The following XRCC1 variants were observed in gnomAD, a reference collection of about 807,000 sequenced individuals.
The protein encoded by XRCC1 is X-ray repair cross complementing 1, also known as DNA repair protein XRCC1.
XRCC1 carries 52 observed loss-of-function variants against 83.3 expected under a neutral mutation model. The ratio of observed to expected loss-of-function variants is 0.62; its 90% confidence interval spans 0.50 to 0.79. The LOEUF is 0.79. XRCC1 is among the 30% of genes least tolerant of loss of function. The pLI, the probability that XRCC1 is intolerant of heterozygous loss-of-function variation, is 0.00. For synonymous variants in XRCC1, 281 were observed against 312.6 expected, an observed-to-expected ratio of 0.90 and a Z score of 1.07; for missense variants, 793 against 823.5, an observed-to-expected ratio of 0.96 and a Z score of 0.45.
chr19:43,557,760 C>T (rs1972653088), intron 3 of XRCC1, among the ~76,000 whole-genome samples: 1 of 135,004 alleles, frequency 7.4e-6, no homozygotes, highest in Admixed American at 8.2e-5. Flanking sequence ...CCACTGCACT[C>T]CAGCCTGGGC....
At chr19:43,551,723 G>A (rs776291464) in intron 9 of XRCC1, 36 bp from the exon 10 acceptor site, 3 of 1,525,472 alleles carry the variant, frequency 2.0e-6, no homozygotes, top group East Asian at 2.2e-5. Context: ...CCAGTTAGGT[G>A]TGATCTGAGG....
chr19:43,546,151 G>GCATT (rs1360509978), intron 12 of XRCC1, 45 bp from the exon 13 acceptor site: 25 of 1,609,720 alleles, frequency 1.6e-5, no homozygotes, highest in Non-Finnish European at 2.1e-5. Context: ...TTGTCTCCTG[G>GCATT]GAAGACTGGC....
At chr19:43,544,311 A>C (rs1972486765) in intron 14 of XRCC1, 77 bp from the exon 15 acceptor site, 2 of 1,308,892 alleles carry the variant, frequency 1.5e-6, no homozygotes, top group Non-Finnish European at 2.1e-6. Context: ...GACGAGGCTG[A>C]CCCAGCAGCT....
intron 4 of XRCC1, 32 bp downstream of exon 4, chr19:43,554,614 G>A: frequency 1.3e-6 from 2 of 1,588,280 alleles, no homozygotes; most frequent in Non-Finnish European, 1.7e-6. Context: ...CCAGGACCAA[G>A]GACTCTGCAC....
rs759117361 is a variant in XRCC1 at position 43,574,893 on chromosome 19, TG to T, written c.144+16del. 2.5e-6 allele frequency: 4 copies of T among 1,605,840 alleles called. No individual in the cohort carries two copies. The East Asian group carries it at 8.9e-5, about 36-fold the overall frequency. On this transcript the variant is annotated intron_variant, in intron 2 of 16. Transcript: ENST00000262887. ...CTCCAGACTCCTAGTGAGGAGGAGG[TG>T]GGGTGGCAGGATCACCTGTAGGACC...
rs1396797434 is a variant in XRCC1 at position 43,551,595 on chromosome 19, A to C, written c.1175T>G (p.Met392Arg). 1 of 1,614,168 alleles carries C rather than the reference A, an allele frequency of 6.2e-7. No homozygotes were observed. The highest frequency in any genetic ancestry group is 1.1e-5 in the South Asian group (1 of 91,088). Residue 392 changes from methionine (M) to arginine (R), a missense_variant, in exon 10 of 17, where the codon ATG becomes AGG. By Grantham distance (91) the Met-to-Arg change is moderately conservative (BLOSUM62 -1). Transcript: ENST00000262887. The part of the protein sequence containing the change: ...RKEWVLDCHR[M>R]RRRLPSQRYL... Reference sequence around the variant, plus strand: ...CCTCTGGGAGGGCAGCCGCCGACGCATGCGGTGACAGTCCAGCACCCACTC... The same window carrying C: ...CCTCTGGGAGGGCAGCCGCCGACGCCTGCGGTGACAGTCCAGCACCCACTC...
At chr19:43,575,067 G>A in intron 1 of XRCC1, 65 bp from the exon 2 acceptor site, 1 of 1,364,912 alleles carries the variant, frequency 7.3e-7, no homozygotes, top group Non-Finnish European at 1.0e-6. Context: ...CCAGCTCTCA[G>A]ATGATTCCTT....
intron 2 of XRCC1, among the ~76,000 whole-genome samples, chr19:43,563,475 G>A (rs932512146): frequency 4.6e-5 from 7 of 152,130 alleles, no homozygotes; most frequent in Non-Finnish European, 8.8e-5. Context: ...CTTGGGCGAT[G>A]GAGTGAGACT....
At chr19:43,559,071 G>A (rs1972668649) in intron 3 of XRCC1, among the ~76,000 whole-genome samples, 1 of 152,072 alleles carries the variant, frequency 6.6e-6, no homozygotes, top group Admixed American at 6.6e-5. Flanking sequence ...AGTCTGGGAA[G>A]CGGAGGTTGC....
Position 43,554,702 on chromosome 19 carries a change from C to G in XRCC1, c.358G>C (p.Ala120Pro), listed in dbSNP as rs2146054063. 6.2e-7 allele frequency: 1 copy of G among 1,613,992 alleles called. No homozygotes were observed. Among genetic ancestry groups the G allele is most frequent in the Non-Finnish European group, 8.5e-7 (1 of 1,179,916 alleles). Residue 120 changes from alanine (A) to proline (P), a missense_variant, in exon 4 of 17, where the codon GCC becomes CCC. Transcript: ENST00000262887. ...MFGPDKLVRA[A>P]AEKRWDRVKI... is the part of the protein sequence containing the mutation. ...ACCCGGTCCCAGCGCTTCTCGGCGGCTGCCCGGACCAGCTTGTCAGGCCCA... is the reference window on the plus strand; with the variant it reads ...ACCCGGTCCCAGCGCTTCTCGGCGGGTGCCCGGACCAGCTTGTCAGGCCCA...
At chr19:43,565,644 A>C (rs1972744712) in intron 2 of XRCC1, among the ~76,000 whole-genome samples, 1 of 152,248 alleles carries the variant, frequency 6.6e-6, no homozygotes, top group Non-Finnish European at 1.5e-5. Flanking sequence ...TTGTATATAA[A>C]AAAAGTCCTG....
chr19:43,543,724 AG>A, intron 15 of XRCC1, 37 bp from the exon 16 acceptor site: 1 of 1,601,346 alleles, frequency 6.2e-7, no homozygotes, highest in Non-Finnish European at 8.6e-7. Flanking sequence ...AAGGCACATC[AG>A]GGAATCAGCA....
intron 10 of XRCC1, among the ~76,000 whole-genome samples, chr19:43,548,348 G>A (rs953797204): frequency 1.4e-4 from 21 of 152,362 alleles, no homozygotes; most frequent in Non-Finnish European, 2.8e-4. Context: ...GAAAGGTGGG[G>A]AAAAGATAGA....
chr19:43,551,964 C>G (rs1199203855), intron 9 of XRCC1, 53 bp downstream of exon 9: 1 of 1,591,952 alleles, frequency 6.3e-7, no homozygotes, highest in Non-Finnish European at 8.6e-7. Context: ...GGAGGAGACA[C>G]AGGGAGCTGG....
chr19:43,548,772 A>AAAAAAAAAAAC (rs1268835936), intron 10 of XRCC1, among the ~76,000 whole-genome samples: 15 of 125,438 alleles, frequency 1.2e-4, no homozygotes, highest in Middle Eastern at 4.3e-3. Flanking sequence ...TGATCAAAAA[A>AAAAAAAAAAAC]AAAAAAAAAA....
chr19:43,567,282 A>C (rs1033221946), intron 2 of XRCC1, among the ~76,000 whole-genome samples: 1 of 152,032 alleles, frequency 6.6e-6, no homozygotes, highest in African/African-American at 2.4e-5. Context: ...AAAAAAAAAA[A>C]AACCCTGAAA....
intron 2 of XRCC1, among the ~76,000 whole-genome samples, chr19:43,565,485 G>A (rs536635346): frequency 6.6e-6 from 1 of 152,330 alleles, no homozygotes; most frequent in East Asian, 1.9e-4. Flanking sequence ...TTCCATCCCT[G>A]AGTCAAACTC....
intron 2 of XRCC1, among the ~76,000 whole-genome samples, chr19:43,569,391 G>A (rs1222371034): frequency 6.6e-6 from 1 of 150,908 alleles, no homozygotes. Context: ...TGGGAGGATC[G>A]CTTGAGCCCG....
At chr19:43,547,371 A>G (rs757974329) in intron 10 of XRCC1, among the ~76,000 whole-genome samples, 9 of 151,218 alleles carry the variant, frequency 6.0e-5, no homozygotes, top group Non-Finnish European at 1.2e-4. Context: ...ATTTTAGTAG[A>G]GACACGGTTT....
Sources: gnomAD v4.1 joint callset for allele counts (sites outside exome capture counted in the v4.1 genomes callset) on GRCh38, gnomAD v4.1.1 for gene constraint, MANE v1.5 for transcripts, NCBI Gene and HGNC (gene_info 2026-07-23, HGNC 2026-07-21) for gene names.